The following DLG2 variants were observed in gnomAD, a reference collection of about 807,000 sequenced individuals.
DLG2 encodes disks large homolog 2.
DLG2 carries 45 observed loss-of-function variants against 132.5 expected under a neutral mutation model. That is an observed-to-expected ratio of 0.34 (90% confidence interval 0.27 to 0.44). The LOEUF (loss-of-function observed/expected upper bound fraction) is 0.44, where lower values mean the gene tolerates loss of function less well. DLG2 is among the 20% of genes least tolerant of loss of function. The pLI is 1.00. For missense variants in DLG2, 1,045 were observed against 1,196.9 expected (o/e 0.87, Z 1.87); for synonymous variants, 424 against 419.6 (o/e 1.01, Z -0.13).
chr11:84,445,204 T>A (rs114716784), intron 7 of DLG2, among the ~76,000 whole-genome samples: 180 of 152,360 alleles, frequency 1.2e-3, no homozygotes, highest in African/African-American at 4.2e-3. Context: ...TTTTTTGTTA[T>A]AGTTTACTCA....
chr11:84,671,090 A>G (rs2099705379), intron 6 of DLG2, among the ~76,000 whole-genome samples: 1 of 150,466 alleles, frequency 6.6e-6, no homozygotes, highest in Non-Finnish European at 1.5e-5. Context: ...TTTACCGAGT[A>G]CAATAATTTT....
chr11:85,369,191 A>T (rs1218351906), intron 3 of DLG2, among the ~76,000 whole-genome samples: 1 of 152,026 alleles, frequency 6.6e-6, no homozygotes, highest in Non-Finnish European at 1.5e-5. Context: ...TTCAGGATGG[A>T]CAGGCAAGCG....
chr11:84,142,004 G>A (rs1055209555), intron 9 of DLG2, among the ~76,000 whole-genome samples: 5 of 151,910 alleles, frequency 3.3e-5, no homozygotes, highest in African/African-American at 1.2e-4. Flanking sequence ...CTAGCTCCAG[G>A]TAGAAAGGAG....
At chr11:84,748,694 G>C (rs2065710735) in intron 6 of DLG2, among the ~76,000 whole-genome samples, 1 of 152,316 alleles carries the variant, frequency 6.6e-6, no homozygotes, top group African/African-American at 2.4e-5. Flanking sequence ...TTGTGGTAGA[G>C]AAGTAAAGGT....
chr11:84,822,514 G>C (rs753696716), intron 6 of DLG2, among the ~76,000 whole-genome samples: 5 of 151,802 alleles, frequency 3.3e-5, no homozygotes, highest in Non-Finnish European at 7.4e-5. Flanking sequence ...CTCAAAAGTT[G>C]TTTATGAAAC....
At chr11:83,871,500 A>G (rs1457337641) in intron 16 of DLG2, among the ~76,000 whole-genome samples, 1 of 152,236 alleles carries the variant, frequency 6.6e-6, no homozygotes, top group Non-Finnish European at 1.5e-5. Flanking sequence ...TCACAAAAGC[A>G]TTAGGAAGGA....
At chr11:83,912,702 C>A (rs966854814) in intron 15 of DLG2, among the ~76,000 whole-genome samples, 2 of 152,136 alleles carry the variant, frequency 1.3e-5, no homozygotes, top group Admixed American at 6.6e-5. Flanking sequence ...CAAGGAAGGA[C>A]AATGGGCAAC....
At chr11:85,085,265 A>G (rs2067767674) in intron 6 of DLG2, among the ~76,000 whole-genome samples, 1 of 152,186 alleles carries the variant, frequency 6.6e-6, no homozygotes, top group Admixed American at 6.5e-5. Flanking sequence ...AAAGCAGTCC[A>G]TCATCCTATA....
At chr11:84,894,661 T>C (rs1295783267) in intron 6 of DLG2, among the ~76,000 whole-genome samples, 1 of 152,114 alleles carries the variant, frequency 6.6e-6, no homozygotes, top group African/African-American at 2.4e-5. Context: ...AGCCACATTG[T>C]TGGAAGGAGC....
intron 7 of DLG2, among the ~76,000 whole-genome samples, chr11:84,346,910 T>C (rs1285028719): frequency 6.6e-6 from 1 of 152,182 alleles, no homozygotes; most frequent in Non-Finnish European, 1.5e-5. Context: ...AAAGTAAGTA[T>C]GTTGCATTAT....
At chr11:84,207,077 C>CTATATA (rs1401388219) in intron 8 of DLG2, among the ~76,000 whole-genome samples, 163 of 106,264 alleles carry the variant, frequency 1.5e-3, no homozygotes, top group African/African-American at 4.8e-3. Flanking sequence ...CTCTCTCTCT[C>CTATATA]TCTCTATATA....
At chr11:84,003,442 G>A (rs1186181111) in intron 11 of DLG2, among the ~76,000 whole-genome samples, 1 of 152,128 alleles carries the variant, frequency 6.6e-6, no homozygotes, top group East Asian at 1.9e-4. Flanking sequence ...GGGACTGAGT[G>A]ATTTATAAAG....
At chr11:84,327,101 A>C (rs2098436295) in intron 7 of DLG2, among the ~76,000 whole-genome samples, 1 of 150,338 alleles carries the variant, frequency 6.7e-6, no homozygotes, top group Admixed American at 6.6e-5. Context: ...TAGACAACAT[A>C]TAATGAGAAT....
At chr11:85,533,982 TTTG>T (rs909039479) in intron 3 of DLG2, among the ~76,000 whole-genome samples, 1 of 152,172 alleles carries the variant, frequency 6.6e-6, no homozygotes, top group African/African-American at 2.4e-5. Context: ...TCTCTGGTTT[TTTG>T]TTTTTTGTTT....
intron 20 of DLG2, among the ~76,000 whole-genome samples, chr11:83,541,180 A>C (rs1681543516): frequency 6.6e-6 from 1 of 152,204 alleles, no homozygotes; most frequent in African/African-American, 2.4e-5. Flanking sequence ...CAGATGTTTG[A>C]CAGCTCACAT....
chr11:83,684,575 G>A (rs1592393111), intron 18 of DLG2: 1 of 152,128 alleles, frequency 6.6e-6, no homozygotes, highest in African/African-American at 2.4e-5. Context: ...GGTAAGGGGT[G>A]GAGTAAGACA....
intron 6 of DLG2, among the ~76,000 whole-genome samples, chr11:84,713,869 T>C (rs560335635): frequency 6.6e-6 from 1 of 152,086 alleles, no homozygotes; most frequent in African/African-American, 2.4e-5. Flanking sequence ...TAGTAGAAAA[T>C]TTAAGGGGAA....
intron 7 of DLG2, among the ~76,000 whole-genome samples, chr11:84,262,131 G>C (rs1328596843): frequency 2.0e-5 from 3 of 152,088 alleles, no homozygotes; most frequent in Non-Finnish European, 4.4e-5. Flanking sequence ...TATAGATAAG[G>C]AAAGTGAGGC....
At chr11:84,541,925 C>T (rs563310491) in intron 6 of DLG2, among the ~76,000 whole-genome samples, 2 of 152,118 alleles carry the variant, frequency 1.3e-5, no homozygotes, top group Admixed American at 6.6e-5. Flanking sequence ...AATTTAAAAA[C>T]GGAATCTTAC....
Sources: allele counts gnomAD v4.1 joint callset (sites outside exome capture counted in the v4.1 genomes callset), GRCh38; gene constraint gnomAD v4.1.1; transcripts MANE v1.5; gene names NCBI Gene and HGNC (gene_info 2026-07-23, HGNC 2026-07-21).